COL9A1: variants seen among roughly 807,000 people sequenced by gnomAD.
The protein encoded by COL9A1 is collagen alpha-1(IX) chain.
A neutral mutation model predicts 142.6 loss-of-function variants in COL9A1; 104 were observed. The observed-to-expected ratio is 0.73, with a 90% confidence interval of 0.62 to 0.86. The LOEUF (loss-of-function observed/expected upper bound fraction) is 0.86, where lower values mean the gene tolerates loss of function less well. COL9A1 is among the 40% of genes least tolerant of loss of function. COL9A1 has a pLI of 0.00. For missense variants in COL9A1, 1,210 were observed against 1,176.6 expected, an observed-to-expected ratio of 1.03 and a Z score of -0.42; for synonymous variants, 466 against 396.0, an observed-to-expected ratio of 1.18 and a Z score of -2.10.
chr6:70,266,596 A>T, intron 18 of COL9A1, 121 bp downstream of exon 18: 1 of 838,694 alleles, frequency 1.2e-6, no homozygotes, highest in Non-Finnish European at 2.1e-6. Context: ...ATCAATCATT[A>T]TTTAAAAAAG....
chr6:70,217,039 C>A lies in COL9A1; in HGVS notation c.2624G>T (p.Gly875Val). ...PASYGRNGRD[G>V]ERGPPGVAGI... ...TGCCACCCCTGGGGGGCCTCGCTCA[C>A]CGTCTCGGCCATTTCTGCCATAGCT... Residue 875 changes from glycine to valine, a missense_variant, in exon 38 of 38, where the codon GGT becomes GTT. Coordinates refer to ENST00000357250, the MANE Select transcript of COL9A1 (RefSeq NM_001851.6). The A allele has an allele frequency of 6.2e-7, 1 of 1,614,182 alleles. No homozygotes were observed. The highest frequency in any genetic ancestry group is 1.3e-5 in the African/African-American group (1 of 75,066).
rs141776183 is a variant in COL9A1, at chr6:70,294,228, A to G, written c.635T>C (p.Ile212Thr). The change falls in exon 5 of 38, where the codon ATT becomes ACT. Residue 212 changes from isoleucine (I) to threonine (T), a missense_variant. Transcript: ENST00000357250. ...ESLPIKPRGP[I>T]DIDGFAVLGK... ...CAGCACAGCAAAGCCATCAATGTCAATTGGGCCTCTTGGCTTTATAGGTAA... is the reference window on the plus strand; with the variant it reads ...CAGCACAGCAAAGCCATCAATGTCAGTTGGGCCTCTTGGCTTTATAGGTAA... 97 of 1,613,992 alleles carry G rather than the reference A, an allele frequency of 6.0e-5. No homozygotes were observed. The highest frequency in any genetic ancestry group is 8.8e-5 in the South Asian group (8 of 91,080).
intron 28 of COL9A1, among the ~76,000 whole-genome samples, chr6:70,248,716 C>T (rs1003966216): frequency 2.6e-5 from 4 of 152,214 alleles, no homozygotes; most frequent in South Asian, 2.1e-4. Context: ...GGATTTATTA[C>T]GCCTCCGATT....
chr6:70,259,617 A>C (rs938815727), intron 20 of COL9A1, among the ~76,000 whole-genome samples: 1 of 151,874 alleles, frequency 6.6e-6, no homozygotes, highest in Non-Finnish European at 1.5e-5. Context: ...CATCCTTCTA[A>C]TGCCACCTCC....
intron 20 of COL9A1, among the ~76,000 whole-genome samples, chr6:70,259,632 T>C (rs1236822309): frequency 6.6e-6 from 1 of 152,198 alleles, no homozygotes; most frequent in Non-Finnish European, 1.5e-5. Context: ...ACCTCCTTCA[T>C]GGGCCCTCTC....
chr6:70,270,470 C>T (rs1583302088), intron 14 of COL9A1, 103 bp from the exon 15 acceptor site: 5 of 1,062,832 alleles, frequency 4.7e-6, no homozygotes, highest in Middle Eastern at 2.1e-4. Flanking sequence ...AAACCCCCAC[C>T]GAGCTCAGCC....
At chr6:70,274,200 A>G (rs897636069) in intron 11 of COL9A1, 118 bp from the exon 12 acceptor site, 124 of 717,592 alleles carry the variant, frequency 1.7e-4, no homozygotes, top group Admixed American at 6.6e-4. Flanking sequence ...TTTTTTTTAA[A>G]TTTCCAACTT....
Position 70,294,568 on chromosome 6 carries a change from G to T in COL9A1, c.300-5C>A. The T allele has an allele frequency of 6.2e-7, 1 of 1,613,604 alleles. No homozygotes were observed. The highest frequency in any genetic ancestry group is 8.5e-7 in the Non-Finnish European group (1 of 1,179,688). ...AGTCCACTGGGATATAAATTCCTGAGTAAAATTTTTAAATAGTAAACATGC... is the reference window on the plus strand; with the variant it reads ...AGTCCACTGGGATATAAATTCCTGATTAAAATTTTTAAATAGTAAACATGC... On this transcript the variant is annotated splice_region_variant and splice_polypyrimidine_tract_variant and intron_variant, in intron 4 of 37. Coordinates refer to ENST00000357250, the MANE Select transcript of COL9A1 (RefSeq NM_001851.6).
chr6:70,223,825 A>G (rs772232876), intron 37 of COL9A1, among the ~76,000 whole-genome samples: 1 of 152,226 alleles, frequency 6.6e-6, no homozygotes, highest in African/African-American at 2.4e-5. Context: ...AAAGGTAACA[A>G]AAGTCCAAAA....
At chr6:70,288,765 A>C (rs1330336291) in intron 5 of COL9A1, among the ~76,000 whole-genome samples, 1 of 151,736 alleles carries the variant, frequency 6.6e-6, no homozygotes, top group East Asian at 1.9e-4. Flanking sequence ...CTGCCAAAAT[A>C]TTTTCTTCTC....
At position 70,241,989 on chromosome 6, in the gene COL9A1, C is replaced by T; in HGVS notation, c.1973G>A (p.Gly658Glu). The change falls in exon 30 of 38, where the codon GGA (glycine) becomes GAA (glutamate). Residue 658 changes from glycine (G) to glutamate (E), a missense_variant. By Grantham distance (98) the Gly-to-Glu change is moderately conservative (BLOSUM62 -2). Coordinates refer to ENST00000357250, the MANE Select transcript of COL9A1 (RefSeq NM_001851.6). ...CCTGTCACCTTTCATTCCAGGAAGT[C>T]CAGGGGGCCCAGGCAAGCCAGGGAG... ...PGLPGLPGPP[G>E]LPGMKGDRGV... The T allele has an allele frequency of 6.3e-7, 1 of 1,598,596 alleles. No homozygotes were observed. The highest frequency in any genetic ancestry group is 1.7e-4 in the Middle Eastern group (1 of 6,050).
rs1478162361 is a variant in COL9A1, at chr6:70,274,047, T to C, written c.1065A>G (p.Pro355=). 6.4e-7 allele frequency: 1 copy of C among 1,554,470 alleles called. No homozygotes were observed. The highest frequency in any genetic ancestry group is 8.7e-7 in the Non-Finnish European group (1 of 1,146,872). ...ATTCTGTAGCTTTACATTTACTTAC[T>C]GGAAATCCACGCGATCCAGGCACAC... ...EPGVPGSRGF[P]GRGIPGPPGP... Residue 355 remains proline (P), a splice_region_variant and synonymous_variant, in exon 12 of 38, where the codon CCA becomes CCG. Transcript: ENST00000357250.
At chr6:70,272,581 G>A (rs1400854583) in intron 12 of COL9A1, among the ~76,000 whole-genome samples, 4 of 152,118 alleles carry the variant, frequency 2.6e-5, no homozygotes, top group Non-Finnish European at 5.9e-5. Flanking sequence ...CCTTTTGAAA[G>A]GTTGGGCTAT....
At chr6:70,238,618 C>T (rs1455133793) in intron 33 of COL9A1, among the ~76,000 whole-genome samples, 2 of 152,054 alleles carry the variant, frequency 1.3e-5, no homozygotes, top group African/African-American at 4.8e-5. Context: ...CAACAAAAAA[C>T]ACAAGTCAGT....
intron 28 of COL9A1, among the ~76,000 whole-genome samples, chr6:70,243,720 G>T (rs1303526758): frequency 6.6e-6 from 1 of 152,140 alleles, no homozygotes; most frequent in Non-Finnish European, 1.5e-5. Context: ...TAGAGACCGG[G>T]TTTCGCCATA....
rs566087968 is a variant in COL9A1, at chr6:70,297,213, T to C, written c.300-2650A>G. ...TAATGCCAAAAACTAAAAAAGAAAA[T>C]AATTAATTTAAAATGATGGAGGGTA... On this transcript the variant is annotated intron_variant, in intron 4 of 37. Transcript: ENST00000357250. Among the ~76,000 whole-genome samples, 18 of 152,118 alleles carry C rather than the reference T, an allele frequency of 1.2e-4. No homozygotes were observed. In the East Asian group the frequency reaches 3.5e-3, roughly 29 times the overall value.
chr6:70,280,770 C>G, intron 10 of COL9A1, 42 bp downstream of exon 10: 1 of 1,592,860 alleles, frequency 6.3e-7, no homozygotes, highest in Non-Finnish European at 8.6e-7. Flanking sequence ...GTACCCACCA[C>G]ACACCCCAGG....
rs74920747 is a variant in COL9A1, at chr6:70,280,005, G to T, written c.975+807C>A. The stretch of plus-strand genomic sequence containing the variant: ...CTTCATATTCCAGGGACAAAATCAA[G>T]GACTGGTCTGTAGTGGGTCATTATT... On this transcript the variant is annotated intron_variant, in intron 10 of 37. Coordinates refer to ENST00000357250, the MANE Select transcript of COL9A1 (RefSeq NM_001851.6). 619 of 698,854 alleles carry T rather than the reference G, an allele frequency of 8.9e-4. No individual in the cohort carries two copies. The African/African-American group carries it at 9.9e-3, about 11-fold the overall frequency. The allele number at this position is 698,854 out of a possible 1,614,324, so 43.3% of individuals were successfully genotyped here. A position where few individuals can be genotyped will look rare whatever the true frequency, so the allele number is the denominator to read the frequency against.
chr6:70,237,111 C>T (rs534318643), intron 33 of COL9A1, among the ~76,000 whole-genome samples: 2 of 152,314 alleles, frequency 1.3e-5, no homozygotes, highest in Admixed American at 6.5e-5. Context: ...GCATGAGCCA[C>T]CTTGCCCTGC....
Sources: gnomAD v4.1 joint callset for allele counts (sites outside exome capture counted in the v4.1 genomes callset) on GRCh38, gnomAD v4.1.1 for gene constraint, MANE v1.5 for transcripts, NCBI Gene and HGNC (gene_info 2026-07-23, HGNC 2026-07-21) for gene names.